The following LTBP1 variants were observed in gnomAD, a reference collection of about 807,000 sequenced individuals.
LTBP1 encodes latent-transforming growth factor beta-binding protein 1.
Under a neutral mutation model 207.6 loss-of-function variants are expected in LTBP1, and 129 were observed. That is an observed-to-expected ratio of 0.62 (90% CI 0.54 to 0.72). The LOEUF (loss-of-function observed/expected upper bound fraction) is 0.72. Ranked by LOEUF, LTBP1 falls within the 30% of genes least tolerant of loss-of-function variation. LTBP1 has a pLI of 0.00. For synonymous variants in LTBP1, 963 were observed against 833.7 expected (o/e 1.16, Z -2.67); for missense variants, 2,281 against 2,217.2 (o/e 1.03, Z -0.58).
In LTBP1 at chr2:33,192,740, A is replaced by G. The variant is rs576788749; in HGVS notation, c.1701+3889A>G. 1.1e-4 allele frequency among the ~76,000 whole-genome samples: 17 copies of G among 152,338 alleles called. No individual in the cohort carries two copies. In the East Asian group the frequency reaches 2.9e-3, roughly 26 times the overall value. ...CAGAGTGTCACAGACTGGGTAATCT[A>G]TAAAGAAAAGACATTTATTTCTCAC... On this transcript the variant is annotated intron_variant, in intron 7 of 33. Coordinates refer to ENST00000404816, the MANE Select transcript of LTBP1 (RefSeq NM_206943.4).
chr2:33,375,704 AT>A (rs985682071), intron 31 of LTBP1, among the ~76,000 whole-genome samples: 2,764 of 113,746 alleles, frequency 0.024, 35 homozygotes, highest in African/African-American at 0.034. Flanking sequence ...ATTTTTTTGT[AT>A]TTTTTTTTTT....
At chr2:32,982,234 A>T (rs976748859) in intron 2 of LTBP1, among the ~76,000 whole-genome samples, 3 of 152,198 alleles carry the variant, frequency 2.0e-5, no homozygotes, top group Non-Finnish European at 4.4e-5. Context: ...TTACACTTAA[A>T]AAAGAGACTG....
intron 3 of LTBP1, among the ~76,000 whole-genome samples, chr2:33,105,838 A>G (rs186871765): frequency 2.6e-5 from 4 of 152,280 alleles, no homozygotes; most frequent in African/African-American, 9.6e-5. Flanking sequence ...AAATAAGACA[A>G]CAATGAAGTT....
intron 3 of LTBP1, among the ~76,000 whole-genome samples, chr2:33,107,209 T>G (rs942758309): frequency 2.0e-5 from 3 of 152,222 alleles, no homozygotes; most frequent in Non-Finnish European, 4.4e-5. Flanking sequence ...TAAAATTTGT[T>G]TTAGTTATAC....
chr2:33,277,398 T>G (rs1573569918), intron 18 of LTBP1, among the ~76,000 whole-genome samples: 1 of 152,164 alleles, frequency 6.6e-6, no homozygotes, highest in African/African-American at 2.4e-5. Context: ...AGATGCAGCG[T>G]GGGAGCAGCT....
chr2:32,988,759 C>A (rs1240256833), intron 2 of LTBP1, among the ~76,000 whole-genome samples: 1 of 152,186 alleles, frequency 6.6e-6, no homozygotes, highest in African/African-American at 2.4e-5. Flanking sequence ...GGTCCACACC[C>A]TCATCTGAGA....
intron 5 of LTBP1, among the ~76,000 whole-genome samples, chr2:33,147,119 TG>T (rs2083119193): frequency 1.3e-5 from 2 of 152,176 alleles, no homozygotes; most frequent in Non-Finnish European, 2.9e-5. Context: ...TTCTCAGTAC[TG>T]GTAATATTAT....
intron 24 of LTBP1, among the ~76,000 whole-genome samples, chr2:33,316,148 C>T (rs940698248): frequency 4.7e-5 from 3 of 63,620 alleles, no homozygotes; most frequent in Non-Finnish European, 1.3e-4. Context: ...AAGAATACAG[C>T]ACTGGTTATT....
At chr2:33,185,791 T>C (rs1033005881) in intron 5 of LTBP1, among the ~76,000 whole-genome samples, 1 of 152,158 alleles carries the variant, frequency 6.6e-6, no homozygotes, top group African/African-American at 2.4e-5. Context: ...CGGCCCAAGA[T>C]AGATTGTAGC....
At chr2:33,291,104 A>C (rs2093766053) in intron 19 of LTBP1, among the ~76,000 whole-genome samples, 1 of 152,232 alleles carries the variant, frequency 6.6e-6, no homozygotes, top group Admixed American at 6.5e-5. Flanking sequence ...GCTTGACAGA[A>C]TTCTGGTTCC....
chr2:32,970,323 TCATGAAATCTTTTC>T (rs1473515572), intron 2 of LTBP1, among the ~76,000 whole-genome samples: 1 of 152,218 alleles, frequency 6.6e-6, no homozygotes, highest in Non-Finnish European at 1.5e-5. Context: ...GGCATCTTTG[TCATGAAATCTTTTC>T]CAGGGCCTAT....
intron 15 of LTBP1, among the ~76,000 whole-genome samples, chr2:33,267,287 G>A (rs774814950): frequency 1.3e-5 from 2 of 152,182 alleles, no homozygotes; most frequent in Non-Finnish European, 2.9e-5. Context: ...TGGGATCTGG[G>A]CTGGCAGCAC....
intron 9 of LTBP1, among the ~76,000 whole-genome samples, chr2:33,227,440 A>G (rs1019831769): frequency 6.6e-6 from 1 of 152,196 alleles, no homozygotes; most frequent in African/African-American, 2.4e-5. Context: ...TTAAGTTTTC[A>G]TAGCCTATTT....
chr2:33,131,255 T>C (rs181439587), intron 4 of LTBP1, among the ~76,000 whole-genome samples: 82 of 152,336 alleles, frequency 5.4e-4, no homozygotes, highest in African/African-American at 1.9e-3. Flanking sequence ...AGAAGATGCT[T>C]CTGATAGACC....
chr2:33,018,223 TA>T (rs201226617), intron 2 of LTBP1, among the ~76,000 whole-genome samples: 140 of 150,020 alleles, frequency 9.3e-4, no homozygotes, highest in African/African-American at 2.2e-3. Context: ...TTTGAAGAGT[TA>T]AAAAAAAATG....
chr2:33,394,207 AT>A (rs1272640651), intron 32 of LTBP1, among the ~76,000 whole-genome samples: 3 of 152,068 alleles, frequency 2.0e-5, no homozygotes, highest in Admixed American at 6.6e-5. Context: ...CTTTTGTCAG[AT>A]GGGTAGATTG....
chr2:32,990,275 T>G (rs961310499), intron 2 of LTBP1, among the ~76,000 whole-genome samples: 4 of 152,224 alleles, frequency 2.6e-5, no homozygotes, highest in Non-Finnish European at 4.4e-5. Flanking sequence ...ATCGTCATGG[T>G]CTCTGGGCAT....
At position 33,367,874 on chromosome 2, in the gene LTBP1, T is replaced by G. The variant is rs373886375; in HGVS notation, c.4711+2371T>G. On this transcript the variant is annotated intron_variant, in intron 31 of 33. Transcript: ENST00000404816. ...ATGCCCAGCACAAGAGATGGCTAAA[T>G]AAATCATGTACATCTATAAAACAGA... 7.5e-4 allele frequency among the ~76,000 whole-genome samples: 114 copies of G among 152,232 alleles called. No homozygotes were observed. The South Asian group carries it at 0.011, about 15-fold the overall frequency.
chr2:33,366,467 G>A (rs964415772), intron 31 of LTBP1, among the ~76,000 whole-genome samples: 5 of 152,152 alleles, frequency 3.3e-5, no homozygotes, highest in African/African-American at 1.2e-4. Flanking sequence ...TAAAACCAAC[G>A]TAGCATGAAA....
Sources: allele counts gnomAD v4.1 joint callset (sites outside exome capture counted in the v4.1 genomes callset), GRCh38; gene constraint gnomAD v4.1.1; transcripts MANE v1.5; gene names NCBI Gene and HGNC (gene_info 2026-07-23, HGNC 2026-07-21).